The following GDI2 variants were observed in gnomAD, a reference collection of about 807,000 sequenced individuals.
GDI2 encodes GDP dissociation inhibitor 2, also known as rab GDP dissociation inhibitor beta.
GDI2 carries 22 observed loss-of-function variants against 54.2 expected under a neutral mutation model. The ratio of observed to expected loss-of-function variants is 0.41; its 90% CI spans 0.29 to 0.58. GDI2 has a LOEUF of 0.58. Among genes scored for constraint, GDI2 ranks in the 20% least tolerant of loss-of-function variants. GDI2 has a pLI of 0.35. For synonymous variants in GDI2, 177 were observed against 182.1 expected (o/e 0.97, Z 0.23); for missense variants, 422 against 546.0 (o/e 0.77, Z 2.26).
chr10:5,777,365 C>T (rs1245060104), intron 6 of GDI2, among the ~76,000 whole-genome samples: 1 of 152,130 alleles, frequency 6.6e-6, no homozygotes, highest in Non-Finnish European at 1.5e-5. Flanking sequence ...CCCAGCTACT[C>T]AGGAGGCTGA....
chr10:5,768,041 G>A lies in GDI2; in HGVS notation c.991+172C>T, dbSNP rs546044199. ...GGCTGGCTCCGAGTTGAATCTGTCC[G>A]CGTTGACACAATGCTGCCGGAGCAG... is the stretch of plus-strand genomic sequence containing the variant. On this transcript the variant is annotated intron_variant, in intron 8 of 10. Transcript: ENST00000380191. The surrounding 1 kb of genome is among the most constrained non-coding windows in gnomAD (Gnocchi z 4.4). 3.1e-4 allele frequency among the ~76,000 whole-genome samples: 47 copies of A among 152,226 alleles called. No homozygotes were observed. Among genetic ancestry groups the A allele is most frequent in the African/African-American group, 8.9e-4 (37 of 41,520 alleles).
At chr10:5,786,610 C>T (rs1840887617) in intron 4 of GDI2, among the ~76,000 whole-genome samples, 1 of 151,394 alleles carries the variant, frequency 6.6e-6, no homozygotes, top group Admixed American at 6.6e-5. Flanking sequence ...TACTACTTAA[C>T]TGAATGAAAA....
chr10:5,781,625 C>CAA (rs34913780), intron 6 of GDI2, among the ~76,000 whole-genome samples: 1,477 of 97,086 alleles, frequency 0.015, 29 homozygotes, highest in African/African-American at 0.058. Context: ...ACTCTGTCTC[C>CAA]AAAAAAAAAA....
rs765605235 is a variant in GDI2, at chr10:5,768,306, C to A, written c.898G>T (p.Val300Phe). The part of the protein sequence containing the change: ...RVEKVGQVIR[V>F]ICILSHPIKN... ...ATGGGGTGGCTGAGGATGCAAATAA[C>A]TCTGATCACCTGGCCCACTTTTTCT... is the stretch of plus-strand genomic sequence containing the variant. Residue 300 changes from valine to phenylalanine, a missense_variant, in exon 8 of 11, where the codon GTT becomes TTT. By Grantham distance (50) the Val-to-Phe change is conservative. Transcript: ENST00000380191. The surrounding 1 kb of genome is among the most constrained non-coding windows in gnomAD (Gnocchi z 4.4). The A allele has an allele frequency of 2.5e-6, 4 of 1,612,112 alleles. No individual in the cohort carries two copies. In the East Asian group the frequency reaches 8.9e-5, roughly 36 times the overall value.
At chr10:5,798,143 G>A (rs1381986053) in intron 2 of GDI2, among the ~76,000 whole-genome samples, 7 of 152,028 alleles carry the variant, frequency 4.6e-5, no homozygotes, top group South Asian at 2.1e-4. Context: ...GATGTTTTGT[G>A]GTAAGAATAC....
At chr10:5,803,539 A>G (rs1841313587) in intron 1 of GDI2, among the ~76,000 whole-genome samples, 1 of 152,254 alleles carries the variant, frequency 6.6e-6, no homozygotes, top group African/African-American at 2.4e-5. Context: ...ATAAATATCA[A>G]TAGCTACAAC....
At position 5,766,092 on chromosome 10, in the gene GDI2, T is replaced by C. The variant is rs956483528; in HGVS notation, c.1252A>G (p.Lys418Glu). ...CCTGTCATCCTCTTATAGATGTTTT[T>C]AATGTCATCACACGTTGTCTCAAAA... ...THFETTCDDI[K>E]NIYKRMTGSE... Residue 418 changes from lysine to glutamate, a missense_variant, in exon 11 of 11, where the codon AAA becomes GAA. By Grantham distance (56) the Lys-to-Glu change is moderately conservative. Coordinates refer to ENST00000380191, the MANE Select transcript of GDI2 (RefSeq NM_001494.4). The surrounding 1 kb of genome is among the most constrained non-coding windows in gnomAD (Gnocchi z 5.8). The C allele has an allele frequency of 6.2e-7, 1 of 1,609,576 alleles. No individual in the cohort carries two copies. The highest frequency in any genetic ancestry group is 8.5e-7 in the Non-Finnish European group (1 of 1,178,240).
chr10:5,808,757 T>C (rs1841430024), intron 1 of GDI2, among the ~76,000 whole-genome samples: 1 of 121,684 alleles, frequency 8.2e-6, no homozygotes, highest in Non-Finnish European at 1.8e-5. Context: ...ACAAATGTGA[T>C]CAGGAGTACA....
At chr10:5,780,526 A>G (rs949462448) in intron 6 of GDI2, among the ~76,000 whole-genome samples, 1 of 68,640 alleles carries the variant, frequency 1.5e-5, no homozygotes, top group African/African-American at 4.1e-5. Context: ...GAAATATATA[A>G]AACTAGAAAA....
intron 1 of GDI2, among the ~76,000 whole-genome samples, chr10:5,806,538 T>C (rs1032124305): frequency 2.6e-5 from 4 of 152,200 alleles, no homozygotes; most frequent in Non-Finnish European, 5.9e-5. Flanking sequence ...AAGTACTTTA[T>C]ATACTATATA....
chr10:5,798,588 CAA>C (rs534853983), intron 2 of GDI2, among the ~76,000 whole-genome samples: 17 of 95,208 alleles, frequency 1.8e-4, no homozygotes, highest in Admixed American at 3.5e-4. Flanking sequence ...GACTCCATCT[CAA>C]AAAAAAAAAA....
At chr10:5,812,513 A>C (rs569040440) in intron 1 of GDI2, among the ~76,000 whole-genome samples, 1 of 152,332 alleles carries the variant, frequency 6.6e-6, no homozygotes, top group Admixed American at 6.5e-5. Context: ...AAGGCGGCGA[A>C]GGTCAGGTGC....
At chr10:5,784,656 G>A (rs914413728) in intron 6 of GDI2, among the ~76,000 whole-genome samples, 3 of 152,194 alleles carry the variant, frequency 2.0e-5, no homozygotes, top group Admixed American at 2.0e-4. Flanking sequence ...CCCTAGGGAT[G>A]GGGCTTCCTG....
In GDI2 at chr10:5,794,986, A is replaced by G. The variant is rs1841114389; in HGVS notation, c.287T>C (p.Val96Ala). 1 of 1,592,398 alleles carries G rather than the reference A, an allele frequency of 6.3e-7. No homozygotes were observed. Among genetic ancestry groups the G allele is most frequent in the Non-Finnish European group, 8.6e-7 (1 of 1,160,254 alleles). The change falls in exon 4 of 11, where the codon GTA (valine) becomes GCA (alanine). Residue 96 changes from valine to alanine, a missense_variant. Transcript: ENST00000380191. Reference protein sequence around the residue: ...QLVKMLLYTEVTRYLDFKVTE... With the variant: ...QLVKMLLYTEATRYLDFKVTE... Reference sequence around the variant, plus strand: ...CACTTTAAAATCCAGATAGCGAGTTACCTCTGTATAAAGCAGCATCTTAAC... The same window carrying G: ...CACTTTAAAATCCAGATAGCGAGTTGCCTCTGTATAAAGCAGCATCTTAAC...
chr10:5,771,538 G>C (rs1048681113), intron 7 of GDI2, among the ~76,000 whole-genome samples: 1 of 151,838 alleles, frequency 6.6e-6, no homozygotes, highest in African/African-American at 2.4e-5. Context: ...GGACATTAGT[G>C]AACTAAATGA....
In GDI2 at chr10:5,797,798, G is replaced by A. The variant is rs114811156; in HGVS notation, c.154-936C>T. Among the ~76,000 whole-genome samples, 1,001 of 152,034 alleles carry A rather than the reference G, an allele frequency of 6.6e-3. 16 individuals are homozygous for A. The highest frequency in any genetic ancestry group is 0.022 in the African/African-American group (925 of 41,478). ...AATGACACTGTATAGTTCTCTATAC[G>A]GACTGTATATGCAGAACTAGGGTGT... is the stretch of plus-strand genomic sequence containing the variant. On this transcript the variant is annotated intron_variant, in intron 2 of 10. Transcript: ENST00000380191.
chr10:5,778,673 A>C (rs1051614620), intron 6 of GDI2, among the ~76,000 whole-genome samples: 16 of 152,250 alleles, frequency 1.1e-4, no homozygotes, highest in Non-Finnish European at 8.8e-5. Context: ...GTACCATTTA[A>C]AAATACCAAG....
At chr10:5,809,116 G>T (rs1409696011) in intron 1 of GDI2, among the ~76,000 whole-genome samples, 1 of 151,902 alleles carries the variant, frequency 6.6e-6, no homozygotes, top group Non-Finnish European at 1.5e-5. Flanking sequence ...ATGGTGGCAG[G>T]CACCTGTAAT....
chr10:5,773,817 T>A, intron 7 of GDI2, 25 bp downstream of exon 7: 1 of 980,050 alleles, frequency 1.0e-6, no homozygotes, highest in Non-Finnish European at 1.6e-6. Context: ...ACATAGTAAT[T>A]TTTTTCATTT....
Sources: gnomAD v4.1 joint callset for allele counts (sites outside exome capture counted in the v4.1 genomes callset) on GRCh38, gnomAD v4.1.1 for gene constraint, Gnocchi (gnomAD v3.1) non-coding constraint, MANE v1.5 for transcripts, NCBI Gene and HGNC (gene_info 2026-07-23, HGNC 2026-07-21) for gene names.